ZNF143: variants seen among roughly 807,000 people sequenced by gnomAD.
The protein encoded by ZNF143 is SPH-binding factor.
A neutral mutation model predicts 74.1 loss-of-function variants in ZNF143; 49 were observed. That is an observed-to-expected ratio of 0.66 (90% CI 0.53 to 0.84). The LOEUF (loss-of-function observed/expected upper bound fraction) is 0.84, where lower values mean the gene tolerates loss of function less well. Among genes scored for constraint, ZNF143 ranks in the 40% least tolerant of loss-of-function variants. The pLI, the probability that ZNF143 is intolerant of heterozygous loss-of-function variation, is 0.00. For missense variants in ZNF143, 637 were observed against 793.4 expected (o/e 0.80, Z 2.37); for synonymous variants, 304 against 282.8 (o/e 1.07, Z -0.75).
intron 12 of ZNF143, 79 bp downstream of exon 12, chr11:9,508,925 T>C: frequency 2.1e-6 from 3 of 1,406,502 alleles, no homozygotes; most frequent in Non-Finnish European, 2.9e-6. Context: ...TTCATAGCAT[T>C]TTCTGAAATC....
chr11:9,479,157 C>CT (rs1343147497), intron 6 of ZNF143, among the ~76,000 whole-genome samples: 237 of 145,548 alleles, frequency 1.6e-3, no homozygotes, highest in African/African-American at 4.6e-3. Flanking sequence ...GGGACATTTT[C>CT]TTTTTTTTTT....
intron 7 of ZNF143, among the ~76,000 whole-genome samples, chr11:9,485,019 C>G (rs1375443159): frequency 2.0e-5 from 3 of 147,874 alleles, no homozygotes; most frequent in Non-Finnish European, 3.0e-5. Flanking sequence ...GGATGGTCTC[C>G]ATCTCCTGAC....
intron 13 of ZNF143, among the ~76,000 whole-genome samples, chr11:9,512,977 T>C (rs1342224243): frequency 2.0e-5 from 3 of 152,176 alleles, no homozygotes; most frequent in Non-Finnish European, 4.4e-5. Flanking sequence ...GATCAGCATA[T>C]GATGGCACCA....
At chr11:9,525,843 TTTAGAATC>T (rs1849106147) in intron 15 of ZNF143, among the ~76,000 whole-genome samples, 1 of 152,076 alleles carries the variant, frequency 6.6e-6, no homozygotes, top group South Asian at 2.1e-4. Flanking sequence ...AAGCAGAGAA[TTTAGAATC>T]TTAGGTGCAG....
chr11:9,461,693 A>C (rs2133794055), intron 1 of ZNF143: 1 of 152,238 alleles, frequency 6.6e-6, no homozygotes, highest in South Asian at 2.1e-4. Context: ...GAAATTTACA[A>C]TTTTATCCTC....
At position 9,482,740 on chromosome 11, in the gene ZNF143, C is replaced by T. The variant is rs1203528374; in HGVS notation, c.645+3194C>T. ...CAGACTAGATCTGCAATGTCCAATACGGTTGCCACTAGCCATATGTGGCTG... is the reference window on the plus strand; with the variant it reads ...CAGACTAGATCTGCAATGTCCAATATGGTTGCCACTAGCCATATGTGGCTG... On this transcript the variant is annotated intron_variant, in intron 7 of 15. Coordinates refer to ENST00000396602, the MANE Select transcript of ZNF143 (RefSeq NM_003442.6). Among the ~76,000 whole-genome samples the T allele has an allele frequency of 2.7e-5, 4 of 150,192 alleles. 1 individual carries two copies. The highest frequency in any genetic ancestry group is 2.1e-4 in the South Asian group (1 of 4,800).
intron 10 of ZNF143, among the ~76,000 whole-genome samples, chr11:9,499,300 G>A (rs1166152418): frequency 6.6e-6 from 1 of 152,054 alleles, no homozygotes; most frequent in African/African-American, 2.4e-5. Flanking sequence ...AATTATCCTA[G>A]AACAGTTGAT....
chr11:9,499,337 G>A (rs1284860754), intron 10 of ZNF143, among the ~76,000 whole-genome samples: 1 of 152,104 alleles, frequency 6.6e-6, no homozygotes, highest in East Asian at 1.9e-4. Context: ...TCAGAGCTGG[G>A]AAGACTTTAG....
intron 1 of ZNF143, among the ~76,000 whole-genome samples, chr11:9,464,598 C>CTCAATCAA (rs374529221): frequency 6.6e-6 from 1 of 151,548 alleles, no homozygotes; most frequent in African/African-American, 2.4e-5. Context: ...AAGACCCTGT[C>CTCAATCAA]TCAATCAATC....
At chr11:9,499,088 T>G (rs573022223) in intron 10 of ZNF143, among the ~76,000 whole-genome samples, 1 of 152,210 alleles carries the variant, frequency 6.6e-6, no homozygotes, top group African/African-American at 2.4e-5. Context: ...AAATATTGAT[T>G]AAAAAACATC....
Position 9,484,799 on chromosome 11 carries a change from G to GTTTTTTTTTTTTTTTT in ZNF143, c.645+5253_645+5254insTTTTTTTTTTTTTTTT, listed in dbSNP as rs1316309780. Among the ~76,000 whole-genome samples, 8 of 24,236 alleles carry GTTTTTTTTTTTTTTTT rather than the reference G, an allele frequency of 3.3e-4. 1 individual carries two copies. The highest frequency in any genetic ancestry group is 3.9e-4 in the African/African-American group (2 of 5,170). The allele number at this position is 24,236 out of a possible 152,430, so 15.9% of individuals were successfully genotyped here. A position where few individuals can be genotyped will look rare whatever the true frequency, so the allele number is the denominator to read the frequency against. On this transcript the variant is annotated intron_variant, in intron 7 of 15. Coordinates refer to ENST00000396602, the MANE Select transcript of ZNF143 (RefSeq NM_003442.6). The stretch of plus-strand genomic sequence containing the variant: ...GCGTGAGCCACCGCACCTGGCCAAA[G>GTTTTTTTTTTTTTTTT]ATTTTTTTTTTTTTTTGAGACGGAG...
chr11:9,477,877 G>C (rs111577630), intron 5 of ZNF143, among the ~76,000 whole-genome samples: 4,497 of 152,268 alleles, frequency 0.03, 199 homozygotes, highest in African/African-American at 0.093. Context: ...CCAGGCTGGA[G>C]TGCAGTGGCA....
rs1476228691 is a variant in ZNF143, at chr11:9,528,469, C to T, written c.*856C>T. On this transcript the variant is annotated 3_prime_UTR_variant, in exon 16 of 16. Transcript: ENST00000396602. ...TTGCTTATGTACTTTTGTTTTAAAG[C>T]TTATTTACCCCAAAGTTTATTATTA... 1 of 151,502 alleles carries T rather than the reference C, an allele frequency of 6.6e-6. No homozygotes were observed. 9.4% of individuals were successfully genotyped at this position (151,502 alleles called of 1,614,324 possible). A position where few individuals can be genotyped will look rare whatever the true frequency, so the allele number is the denominator to read the frequency against.
At chr11:9,490,478 G>A (rs1314158973) in intron 7 of ZNF143, among the ~76,000 whole-genome samples, 1 of 151,382 alleles carries the variant, frequency 6.6e-6, no homozygotes, top group African/African-American at 2.4e-5. Context: ...TAGAGATGGG[G>A]TTTTGCCATG....
chr11:9,478,457 T>G lies in ZNF143; in HGVS notation c.441T>G (p.His147Gln). 1 of 1,614,178 alleles carries G rather than the reference T, an allele frequency of 6.2e-7. No individual in the cohort carries two copies. Among genetic ancestry groups the G allele is most frequent in the Non-Finnish European group, 8.5e-7 (1 of 1,180,026 alleles). Residue 147 changes from histidine (H) to glutamine (Q), a missense_variant, in exon 6 of 16, where the codon CAT becomes CAG. This residue lies in a region of ZNF143 where 293 missense variants were observed against 307.8 expected (regional missense o/e 0.95). Transcript: ENST00000396602. ...LEDGTTAYIH[H>Q]AVQVPQSDTI... ...ATGGTACCACAGCTTATATCCACCA[T>G]GCAGTGCAAGTCCCGCAGTCTGACA...
In ZNF143 at chr11:9,501,254, T is replaced by C. The variant is rs767146776; in HGVS notation, c.1131T>C (p.His377=). 50 of 1,614,036 alleles carry C rather than the reference T, an allele frequency of 3.1e-5. No individual in the cohort carries two copies. The highest frequency in any genetic ancestry group is 3.3e-5 in the Admixed American group (2 of 59,988). The change falls in exon 11 of 16, where the codon CAT becomes CAC. Residue 377 remains histidine (H), a synonymous_variant. Coordinates refer to ENST00000396602, the MANE Select transcript of ZNF143 (RefSeq NM_003442.6). ...CCAGTGCAACAAATTATAAAAACCA[T>C]GTGAGGATACACACAGGTAACAATC... ...AFASATNYKN[H]VRIHTGEKPY... is the part of the protein sequence containing the mutation.
intron 1 of ZNF143, among the ~76,000 whole-genome samples, chr11:9,463,324 G>A (rs1031051666): frequency 2.0e-5 from 3 of 152,184 alleles, no homozygotes; most frequent in Admixed American, 6.5e-5. Flanking sequence ...GAGTCATATA[G>A]TAACTATGTT....
At chr11:9,486,454 T>TATATTATATATAA (rs1554964478) in intron 7 of ZNF143, among the ~76,000 whole-genome samples, 14 of 72,148 alleles carry the variant, frequency 1.9e-4, no homozygotes, top group African/African-American at 7.5e-4. Context: ...ATTATATATA[T>TATATTATATATAA]TATATATATA....
intron 9 of ZNF143, among the ~76,000 whole-genome samples, 155 bp from the exon 10 acceptor site, chr11:9,497,520 C>T (rs558192134): frequency 2.0e-5 from 3 of 152,304 alleles, no homozygotes; most frequent in South Asian, 2.1e-4. Context: ...CGTGAGCCAC[C>T]GTGCCCGGCC....
Sources: allele counts gnomAD v4.1 joint callset (sites outside exome capture counted in the v4.1 genomes callset), GRCh38; gene constraint gnomAD v4.1.1; regional missense constraint gnomAD v4.1.1; transcripts MANE v1.5; gene names NCBI Gene and HGNC (gene_info 2026-07-23, HGNC 2026-07-21).